PPARGC1B: variants seen among roughly 807,000 people sequenced by gnomAD.
The protein encoded by PPARGC1B is PPARG coactivator 1 beta.
A neutral mutation model predicts 101.6 loss-of-function variants in PPARGC1B; 34 were observed. The ratio of observed to expected loss-of-function variants is 0.33; its 90% CI spans 0.25 to 0.45. The LOEUF (loss-of-function observed/expected upper bound fraction) is 0.45. Ranked by LOEUF, PPARGC1B falls within the 20% of genes least tolerant of loss-of-function variation. The pLI is 1.00. For missense variants in PPARGC1B, 1,234 were observed against 1,317.6 expected, an observed-to-expected ratio of 0.94 and a Z score of 0.98; for synonymous variants, 548 against 539.3, an observed-to-expected ratio of 1.02 and a Z score of -0.22.
chr5:149,836,836 ACAGCAGCAG>A lies in PPARGC1B; in HGVS notation c.2389_2397del (p.Ser797_Ser799del). On this transcript the variant is annotated inframe_deletion, in exon 8 of 12. Transcript: ENST00000309241. The stretch of plus-strand genomic sequence containing the variant: ...CCTGAGTATGACACTGTCTTTGAAG[ACAGCAGCAG>A]CAGCAGCGGCGAGAGCAGCTTCCTC... 6.2e-7 allele frequency: 1 copy of A among 1,613,062 alleles called. No homozygotes were observed. Among genetic ancestry groups the A allele is most frequent in the Admixed American group, 1.7e-5 (1 of 60,010 alleles).
At chr5:149,799,918 C>T (rs1021848805) in intron 1 of PPARGC1B, among the ~76,000 whole-genome samples, 9 of 151,832 alleles carry the variant, frequency 5.9e-5, no homozygotes, top group Non-Finnish European at 1.2e-4. Context: ...AGGTTGGTCT[C>T]GAACTCCTGA....
chr5:149,814,706 A>G (rs1474959010), intron 1 of PPARGC1B, among the ~76,000 whole-genome samples: 1 of 152,256 alleles, frequency 6.6e-6, no homozygotes, highest in Admixed American at 6.5e-5. Flanking sequence ...ATTCTTTCTT[A>G]AGCAGGGAAT....
intron 1 of PPARGC1B, chr5:149,818,997 C>G (rs1758166492): frequency 7.4e-6 from 3 of 404,572 alleles, no homozygotes; most frequent in Non-Finnish European, 1.5e-5. Context: ...GTCAGCCCCC[C>G]AACTCAGGCT....
chr5:149,736,031 AGAGAATTGCTTGAACCCG>A (rs1331732575), intron 1 of PPARGC1B, among the ~76,000 whole-genome samples: 2 of 152,170 alleles, frequency 1.3e-5, no homozygotes, highest in African/African-American at 4.8e-5. Flanking sequence ...GGCTGAGGCC[AGAGAATTGCTTGAACCCG>A]GAGAATTGCT....
intron 1 of PPARGC1B, among the ~76,000 whole-genome samples, chr5:149,811,184 T>C (rs1757845494): frequency 6.6e-6 from 1 of 152,248 alleles, no homozygotes; most frequent in Non-Finnish European, 1.5e-5. Context: ...GCAAGTCATC[T>C]TCCCTCCATA....
intron 1 of PPARGC1B, among the ~76,000 whole-genome samples, chr5:149,749,120 A>T (rs758110539): frequency 2.0e-5 from 3 of 152,180 alleles, no homozygotes; most frequent in Admixed American, 6.5e-5. Context: ...TCAATACAGC[A>T]GGAATCGGTG....
chr5:149,846,688 A>G (rs1010223738), intron 11 of PPARGC1B: 1 of 152,290 alleles, frequency 6.6e-6, no homozygotes, highest in Admixed American at 6.5e-5. Flanking sequence ...TGCAGCCTTG[A>G]TGGTACAGGA....
chr5:149,737,851 G>C (rs192366926), intron 1 of PPARGC1B, among the ~76,000 whole-genome samples: 34 of 152,258 alleles, frequency 2.2e-4, no homozygotes, highest in African/African-American at 7.9e-4. Flanking sequence ...AAAATTAGCC[G>C]GGCATGGTGG....
intron 10 of PPARGC1B, among the ~76,000 whole-genome samples, chr5:149,843,950 G>A (rs939095655): frequency 6.6e-6 from 1 of 152,298 alleles, no homozygotes; most frequent in South Asian, 2.1e-4. Context: ...AGTCTATTTC[G>A]TCGAAACAGA....
chr5:149,798,105 G>A (rs990425320), intron 1 of PPARGC1B, among the ~76,000 whole-genome samples: 15 of 152,218 alleles, frequency 9.9e-5, no homozygotes, highest in African/African-American at 2.2e-4. Flanking sequence ...GCCCAGAGAG[G>A]TTGAGTGTCT....
At chr5:149,793,429 G>A (rs940085117) in intron 1 of PPARGC1B, among the ~76,000 whole-genome samples, 1 of 152,102 alleles carries the variant, frequency 6.6e-6, no homozygotes, top group African/African-American at 2.4e-5. Context: ...TTAAAAGAAG[G>A]CCCTTATACT....
chr5:149,802,440 C>G (rs1245191362), intron 1 of PPARGC1B, among the ~76,000 whole-genome samples: 1 of 151,988 alleles, frequency 6.6e-6, no homozygotes, highest in Non-Finnish European at 1.5e-5. Flanking sequence ...CCTCCTTTCC[C>G]TCTGCTCCCA....
chr5:149,832,698 C>G lies in PPARGC1B; in HGVS notation c.625C>G (p.Gln209Glu). The G allele has an allele frequency of 1.9e-6, 3 of 1,566,578 alleles. No individual in the cohort carries two copies. In the South Asian group the frequency reaches 3.6e-5, roughly 19 times the overall value. Residue 209 changes from glutamine to glutamate, a missense_variant, in exon 5 of 12, where the codon CAG becomes GAG. Gln to Glu is a conservative substitution (Grantham distance 29). Around this residue, in one of 3 missense-constraint regions of PPARGC1B, gnomAD observed 734 missense variants for 768.4 expected, o/e 0.96. Coordinates refer to ENST00000309241, the MANE Select transcript of PPARGC1B (RefSeq NM_133263.4). This position sits in a 1 kb window ranked among gnomAD's most constrained non-coding sequence, Gnocchi z 4.9. ...CAAGAAGGCTCCCATGATGCAGTCT[C>G]AGAGCCGAAGTTGTACAGAACTACA... is the stretch of plus-strand genomic sequence containing the variant. Reference protein sequence around the residue: ...QDKKAPMMQSQSRSCTELHKH... With the variant: ...QDKKAPMMQSESRSCTELHKH...
intron 1 of PPARGC1B, chr5:149,772,057 C>T: frequency 1.3e-6 from 2 of 1,546,080 alleles, no homozygotes; most frequent in Non-Finnish European, 1.7e-6. Flanking sequence ...AGGCTGTGCA[C>T]AGGTGGGGAC....
chr5:149,782,291 G>A (rs1233529246), intron 1 of PPARGC1B, among the ~76,000 whole-genome samples: 1 of 152,114 alleles, frequency 6.6e-6, no homozygotes, highest in Non-Finnish European at 1.5e-5. Context: ...TCTTGTATAA[G>A]ATATAAAGAA....
intron 1 of PPARGC1B, among the ~76,000 whole-genome samples, chr5:149,795,186 C>G (rs1482432226): frequency 6.6e-6 from 1 of 152,188 alleles, no homozygotes; most frequent in Non-Finnish European, 1.5e-5. Context: ...TGTTCTTATT[C>G]TAGCATAGAA....
At chr5:149,734,061 C>A (rs1331072649) in intron 1 of PPARGC1B, among the ~76,000 whole-genome samples, 3 of 152,044 alleles carry the variant, frequency 2.0e-5, no homozygotes, top group African/African-American at 7.2e-5. Flanking sequence ...GTGGCTCACC[C>A]CTGTAATCCT....
Position 149,833,790 on chromosome 5 carries a change from T to A in PPARGC1B, c.1705+12T>A. The A allele has an allele frequency of 6.7e-7, 1 of 1,484,558 alleles. No homozygotes were observed. The highest frequency in any genetic ancestry group is 8.9e-7 in the Non-Finnish European group (1 of 1,121,992). The allele number at this position is 1,484,558 out of a possible 1,614,324, so 92.0% of individuals were successfully genotyped here. On this transcript the variant is annotated intron_variant, in intron 5 of 11. Coordinates refer to ENST00000309241, the MANE Select transcript of PPARGC1B (RefSeq NM_133263.4). This position sits in a 1 kb window ranked among gnomAD's most constrained non-coding sequence, Gnocchi z 4.1. ...GCTCCCTCCCAGAGGTAGTCAGAGT[T>A]GGTGGTCTGCGAAGTGGGGGCAGGG...
At chr5:149,780,922 G>A (rs531880142) in intron 1 of PPARGC1B, among the ~76,000 whole-genome samples, 29 of 152,318 alleles carry the variant, frequency 1.9e-4, no homozygotes, top group Admixed American at 5.2e-4. Context: ...GGGGCTTTCC[G>A]GCAGGGCGCG....
Sources: allele counts gnomAD v4.1 joint callset (sites outside exome capture counted in the v4.1 genomes callset), GRCh38; gene constraint gnomAD v4.1.1; regional missense constraint gnomAD v4.1.1; non-coding constraint Gnocchi (gnomAD v3.1); transcripts MANE v1.5; gene names NCBI Gene and HGNC (gene_info 2026-07-23, HGNC 2026-07-21).